CD44: variants seen among roughly 807,000 people sequenced by gnomAD.
The protein encoded by CD44 is CD44 antigen.
In CD44, 49 loss-of-function variants were observed where a neutral mutation model predicts 88.8. The ratio of observed to expected loss-of-function variants is 0.55; its 90% CI spans 0.44 to 0.70. The LOEUF (loss-of-function observed/expected upper bound fraction) is 0.70, where lower values mean the gene tolerates loss of function less well. Ranked by LOEUF, CD44 falls within the 30% of genes least tolerant of loss-of-function variation. CD44 has a pLI of 0.00. For synonymous variants in CD44, 325 were observed against 312.3 expected (o/e 1.04, Z -0.43); for missense variants, 883 against 913.8 (o/e 0.97, Z 0.43).
intron 15 of CD44, among the ~76,000 whole-genome samples, chr11:35,215,622 A>G (rs1235369422): frequency 2.0e-5 from 3 of 152,100 alleles, no homozygotes; most frequent in Non-Finnish European, 4.4e-5. Context: ...GGTGGCTCAC[A>G]CCTGTAATCC....
chr11:35,218,887 T>G (rs1444403649), intron 15 of CD44: 1 of 171,250 alleles, frequency 5.8e-6, no homozygotes. Flanking sequence ...ACCAATACCG[T>G]GTATTTCTTC....
intron 5 of CD44, among the ~76,000 whole-genome samples, chr11:35,193,965 G>C (rs1178682963): frequency 6.6e-6 from 1 of 152,186 alleles, no homozygotes; most frequent in Non-Finnish European, 1.5e-5. Flanking sequence ...TGAAATGCCA[G>C]TTGTCATCAC....
chr11:35,158,176 CAGAA>C (rs1297473792), intron 1 of CD44, among the ~76,000 whole-genome samples: 6 of 152,310 alleles, frequency 3.9e-5, no homozygotes, highest in Non-Finnish European at 8.8e-5. Flanking sequence ...GGGAGACACT[CAGAA>C]ATAAGATCCT....
chr11:35,160,141 T>A (rs1942418241), intron 1 of CD44, among the ~76,000 whole-genome samples: 1 of 152,200 alleles, frequency 6.6e-6, no homozygotes, highest in African/African-American at 2.4e-5. Context: ...ACTCAGCAGC[T>A]CCTCAGGTGA....
rs1949104533 is a variant in CD44, at chr11:35,219,363, C to T, written c.1921C>T (p.Pro641Ser). The T allele has an allele frequency of 6.2e-7, 1 of 1,613,622 alleles. No individual in the cohort carries two copies. Among genetic ancestry groups the T allele is most frequent in the Non-Finnish European group, 8.5e-7 (1 of 1,179,688 alleles). Reference sequence around the variant, plus strand: ...AGGTGGAGCAAACACAACCTCTGGTCCTATAAGGACACCCCAAATTCCAGG... The same window carrying T: ...AGGTGGAGCAAACACAACCTCTGGTTCTATAAGGACACCCCAAATTCCAGG... ...QEGGANTTSG[P>S]IRTPQIPEWL... The change falls in exon 16 of 18, where the codon CCT becomes TCT. Residue 641 changes from proline to serine, a missense_variant. By Grantham distance (74) the Pro-to-Ser change is moderately conservative (BLOSUM62 -1). Transcript: ENST00000428726.
intron 16 of CD44, among the ~76,000 whole-genome samples, chr11:35,220,764 T>C (rs1039772598): frequency 5.0e-5 from 2 of 39,764 alleles, no homozygotes; most frequent in Non-Finnish European, 8.5e-5. Context: ...AATATACGTC[T>C]TTTTTTTTTT....
In CD44 at chr11:35,196,881, A is replaced by G. The variant is rs751045103; in HGVS notation, c.796+7A>G. On this transcript the variant is annotated splice_region_variant and intron_variant, in intron 6 of 17. Transcript: ENST00000428726. ...ACAACAACACAAATGGCTGGTAATG[A>G]GTTATTATTATCTCATAGCGTATGT... 3 of 1,612,584 alleles carry G rather than the reference A, an allele frequency of 1.9e-6. No homozygotes were observed. The Admixed American group carries it at 5.0e-5, about 27-fold the overall frequency.
intron 6 of CD44, 170 bp downstream of exon 6, chr11:35,197,044 A>G: frequency 1.6e-6 from 1 of 611,830 alleles, no homozygotes; most frequent in Non-Finnish European, 2.8e-6. Flanking sequence ...CTTGTATGGC[A>G]CCAATAAGCA....
chr11:35,196,797 A>G lies in CD44; in HGVS notation c.719A>G (p.Glu240Gly), dbSNP rs2133979331. 1 of 1,613,882 alleles carries G rather than the reference A, an allele frequency of 6.2e-7. No homozygotes were observed. The highest frequency in any genetic ancestry group is 8.5e-7 in the Non-Finnish European group (1 of 1,179,800). ...TATETATKRQ[E>G]TWDWFSWLFL... ...ACTGAGACAGCAACCAAGAGGCAAG[A>G]AACCTGGGATTGGTTTTCATGGTTG... The change falls in exon 6 of 18, where the codon GAA (glutamate) becomes GGA (glycine). Residue 240 changes from glutamate to glycine, a missense_variant. Glu to Gly is a moderately conservative substitution (Grantham distance 98). This residue lies in a region of CD44 where 252 missense variants were observed against 322.9 expected (regional missense o/e 0.78). Transcript: ENST00000428726.
chr11:35,222,797 CT>C, intron 17 of CD44: 3 of 984,830 alleles, frequency 3.0e-6, no homozygotes, highest in Non-Finnish European at 3.6e-6. Context: ...GTAAATGTCC[CT>C]TTAGATGGTT....
intron 5 of CD44, among the ~76,000 whole-genome samples, chr11:35,195,601 T>C (rs1946663094): frequency 6.6e-6 from 1 of 152,126 alleles, no homozygotes; most frequent in Non-Finnish European, 1.5e-5. Flanking sequence ...CTTACTATTT[T>C]GTTTGGGGAT....
At chr11:35,171,075 A>G (rs914710159) in intron 1 of CD44, among the ~76,000 whole-genome samples, 2 of 152,256 alleles carry the variant, frequency 1.3e-5, no homozygotes, top group Non-Finnish European at 2.9e-5. Flanking sequence ...AGAGCCTGGC[A>G]TATACACAAT....
intron 3 of CD44, 92 bp downstream of exon 3, chr11:35,180,499 T>C: frequency 4.4e-6 from 6 of 1,363,224 alleles, no homozygotes; most frequent in Non-Finnish European, 6.2e-6. Flanking sequence ...GTAGCCTCCA[T>C]TTACATAACA....
At position 35,181,533 on chromosome 11, in the gene CD44, G is replaced by A. The variant is rs1026722677; in HGVS notation, c.367+1126G>A. ...AGGTTTGAAGTTGGGTGAAGGGAAA[G>A]ATGAAGCCTTGAGGTAAACTTGGTA... On this transcript the variant is annotated intron_variant, in intron 3 of 17. Transcript: ENST00000428726. 1.1e-4 allele frequency among the ~76,000 whole-genome samples: 16 copies of A among 151,336 alleles called. 1 individual carries two copies. In the Admixed American group the frequency reaches 1.1e-3, roughly 10 times the overall value.
At chr11:35,202,522 A>G (rs189592149) in intron 9 of CD44, among the ~76,000 whole-genome samples, 14 of 152,306 alleles carry the variant, frequency 9.2e-5, no homozygotes, top group Admixed American at 7.2e-4. Context: ...CTTATTTGGA[A>G]TAAAAGTATT....
rs1260392071 is a variant in CD44 at position 35,180,311 on chromosome 11, A to C, written c.271A>C (p.Ile91Leu). Residue 91 changes from isoleucine (I) to leucine (L), a missense_variant, in exon 3 of 18, where the codon ATC (isoleucine) becomes CTC (leucine). Around this residue, in one of 2 missense-constraint regions of CD44, gnomAD observed 252 missense variants for 322.9 expected, o/e 0.78. Transcript: ENST00000428726. The part of the protein sequence containing the change: ...FIEGHVVIPR[I>L]HPNSICAANN... ...AGAAGGGCACGTGGTGATTCCCCGG[A>C]TCCACCCCAACTCCATCTGTGCAGC... 1 of 1,613,970 alleles carries C rather than the reference A, an allele frequency of 6.2e-7. No homozygotes were observed.
chr11:35,201,784 A>G lies in CD44; in HGVS notation c.1150A>G (p.Thr384Ala), dbSNP rs760639637. The part of the protein sequence containing the change: ...EEEETPHSTS[T>A]IQATPSSTTE... ...AGAAGAGACCCCACATTCTACAAGC[A>G]CAAGTAAGCAAGATGGCGGTCGGCA... The change falls in exon 9 of 18, where the codon ACA becomes GCA. Residue 384 changes from threonine (T) to alanine (A), a missense_variant. Around this residue, in one of 2 missense-constraint regions of CD44, gnomAD observed 631 missense variants for 590.9 expected, o/e 1.07. Transcript: ENST00000428726. 3 of 1,613,590 alleles carry G rather than the reference A, an allele frequency of 1.9e-6. No individual in the cohort carries two copies. The highest frequency in any genetic ancestry group is 2.2e-5 in the South Asian group (2 of 91,066).
intron 17 of CD44, among the ~76,000 whole-genome samples, chr11:35,228,646 G>A (rs1949883312): frequency 1.3e-5 from 2 of 152,196 alleles, no homozygotes; most frequent in Admixed American, 6.5e-5. Context: ...TTACTTGGGG[G>A]AAGTTACTGA....
At chr11:35,171,944 T>A (rs1943948726) in intron 1 of CD44, among the ~76,000 whole-genome samples, 2 of 152,220 alleles carry the variant, frequency 1.3e-5, no homozygotes, top group African/African-American at 4.8e-5. Flanking sequence ...TTGATGAGAA[T>A]AATGAGCAGG....
Sources: allele counts gnomAD v4.1 joint callset (sites outside exome capture counted in the v4.1 genomes callset), GRCh38; gene constraint gnomAD v4.1.1; regional missense constraint gnomAD v4.1.1; transcripts MANE v1.5; gene names NCBI Gene and HGNC (gene_info 2026-07-23, HGNC 2026-07-21).